UNKL: variants seen among roughly 807,000 people sequenced by gnomAD.
The protein encoded by UNKL is putative E3 ubiquitin-protein ligase UNKL.
Under a neutral mutation model 78.0 loss-of-function variants are expected in UNKL, and 60 were observed. The observed-to-expected ratio is 0.77, with a 90% CI of 0.63 to 0.95. The LOEUF (loss-of-function observed/expected upper bound fraction) is 0.95, where lower values mean the gene tolerates loss of function less well. Ranked by LOEUF, UNKL falls within the 40% of genes least tolerant of loss-of-function variation. UNKL has a pLI of 0.00. For synonymous variants in UNKL, 608 were observed against 474.8 expected, an observed-to-expected ratio of 1.28 and a Z score of -3.65; for missense variants, 1,159 against 1,045.7, an observed-to-expected ratio of 1.11 and a Z score of -1.49.
chr16:1,395,342 A>G (rs1455877722), intron 6 of UNKL, among the ~76,000 whole-genome samples: 2 of 148,478 alleles, frequency 1.3e-5, no homozygotes, highest in Non-Finnish European at 3.0e-5. Flanking sequence ...TAATTTTTGT[A>G]TTTTTAGTAG....
rs368553180 is a variant in UNKL at position 1,399,345 on chromosome 16, G to A, written c.734+29C>T. On this transcript the variant is annotated intron_variant, in intron 5 of 14. Coordinates refer to ENST00000389221, the MANE Select transcript of UNKL (RefSeq NM_001372107.1). The surrounding 1 kb of genome is among the most constrained non-coding windows in gnomAD (Gnocchi z 5.8). ...CCGGGAAGGACGCCCACCAGCCGGA[G>A]TCCTCTGAGCACGGTCCCGCAGGCT... The A allele has an allele frequency of 2.0e-4, 310 of 1,539,260 alleles. No individual in the cohort carries two copies. The highest frequency in any genetic ancestry group is 1.6e-3 in the African/African-American group (119 of 72,418).
rs535295759 is a variant in UNKL, at chr16:1,413,003, T to C, written c.287+843A>G. Among the ~76,000 whole-genome samples, 4 of 152,164 alleles carry C rather than the reference T, an allele frequency of 2.6e-5. No homozygotes were observed. In the South Asian group the frequency reaches 8.3e-4, roughly 32 times the overall value. ...TGGCTCACACCTGGAATCCCAGCAC[T>C]TTGGGAGGCTGAAGCAGGAGGATTG... On this transcript the variant is annotated intron_variant, in intron 2 of 14. Coordinates refer to ENST00000389221, the MANE Select transcript of UNKL (RefSeq NM_001372107.1).
rs575433625 is a variant in UNKL, at chr16:1,399,343, G to C, written c.734+31C>G. ...GGCCGGGAAGGACGCCCACCAGCCGGAGTCCTCTGAGCACGGTCCCGCAGG... is the reference window on the plus strand; with the variant it reads ...GGCCGGGAAGGACGCCCACCAGCCGCAGTCCTCTGAGCACGGTCCCGCAGG... On this transcript the variant is annotated intron_variant, in intron 5 of 14. Coordinates refer to ENST00000389221, the MANE Select transcript of UNKL (RefSeq NM_001372107.1). The surrounding 1 kb of genome is among the most constrained non-coding windows in gnomAD (Gnocchi z 5.8). 12 of 1,536,900 alleles carry C rather than the reference G, an allele frequency of 7.8e-6. No individual in the cohort carries two copies. The African/African-American group carries it at 1.4e-4, about 18-fold the overall frequency.
chr16:1,401,537 C>G (rs549456955), intron 4 of UNKL, 31 bp downstream of exon 4: 2 of 1,505,766 alleles, frequency 1.3e-6, no homozygotes, highest in African/African-American at 1.4e-5. Context: ...GCCCCCCCCA[C>G]CACCGCCCTC....
intron 9 of UNKL, among the ~76,000 whole-genome samples, chr16:1,388,955 A>G (rs1282851941): frequency 6.6e-6 from 1 of 152,218 alleles, no homozygotes; most frequent in African/African-American, 2.4e-5. Flanking sequence ...AGTACGTGGC[A>G]TGAATTCCAT....
rs949111791 is a variant in UNKL, at chr16:1,366,142, T to C, written c.*98A>G. 7.4e-7 allele frequency: 1 copy of C among 1,354,124 alleles called. No homozygotes were observed. Among genetic ancestry groups the C allele is most frequent in the Non-Finnish European group, 9.6e-7 (1 of 1,038,752 alleles). 83.9% of individuals were successfully genotyped at this position (1,354,124 alleles called of 1,614,324 possible). A position where few individuals can be genotyped will look rare whatever the true frequency, so the allele number is the denominator to read the frequency against. On this transcript the variant is annotated 3_prime_UTR_variant, in exon 15 of 15. Transcript: ENST00000389221. ...CAGGAAGGGCTCCCAGCCTCGGTCC[T>C]CACGTCGGTGGCACCAGAAGCGAGT...
Position 1,367,255 on chromosome 16 carries a change from T to A in UNKL, c.1883A>T (p.Glu628Val), listed in dbSNP as rs772707372. 18 of 1,586,078 alleles carry A rather than the reference T, an allele frequency of 1.1e-5. No individual in the cohort carries two copies. Among genetic ancestry groups the A allele is most frequent in the Non-Finnish European group, 1.5e-5 (17 of 1,170,338 alleles). Residue 628 changes from glutamate (E) to valine (V), a missense_variant, in exon 14 of 15, where the codon GAG becomes GTG. Coordinates refer to ENST00000389221, the MANE Select transcript of UNKL (RefSeq NM_001372107.1). ...DRQLALQKKE[E>V]VEAQVKQLQE... is the part of the protein sequence containing the mutation. ...CAGCTGCTTCACCTGTGCCTCCACC[T>A]CCTCCTTCTTCTGCAGCGCCAGCTG...
chr16:1,405,238 AAGGG>A (rs1254654008), intron 2 of UNKL, among the ~76,000 whole-genome samples: 1 of 140,650 alleles, frequency 7.1e-6, no homozygotes, highest in Non-Finnish European at 1.5e-5. Flanking sequence ...GCGAGGAAGG[AAGGG>A]AGGGAGGGAG....
At chr16:1,397,106 C>T in intron 6 of UNKL, 72 bp downstream of exon 6, 1 of 1,473,120 alleles carries the variant, frequency 6.8e-7, no homozygotes, top group Non-Finnish European at 9.2e-7. Flanking sequence ...GTGTGATAAC[C>T]ACGCTGTGAA....
In UNKL at chr16:1,384,892, A is replaced by AGG. The variant is rs879827745; in HGVS notation, c.1264+315_1264+316insCC. On this transcript the variant is annotated intron_variant, in intron 10 of 14. Coordinates refer to ENST00000389221, the MANE Select transcript of UNKL (RefSeq NM_001372107.1). The stretch of plus-strand genomic sequence containing the variant: ...GGGAGCACAGGCGGCCAACTCCCAC[A>AGG]ACTCCCATCATCTGTCAACAACCTC... Among the ~76,000 whole-genome samples, 474 of 152,108 alleles carry AGG rather than the reference A, an allele frequency of 3.1e-3. 8 individuals are homozygous for AGG. The highest frequency in any genetic ancestry group is 0.029 in the East Asian group (151 of 5,160).
intron 3 of UNKL, among the ~76,000 whole-genome samples, chr16:1,402,156 T>C (rs985954694): frequency 3.9e-5 from 6 of 152,150 alleles, no homozygotes; most frequent in Admixed American, 3.3e-4. Flanking sequence ...AAAGCAGCAG[T>C]GCCTCACGGC....
At chr16:1,393,273 C>A (rs1334417091) in intron 7 of UNKL, among the ~76,000 whole-genome samples, 1 of 152,238 alleles carries the variant, frequency 6.6e-6, no homozygotes, top group East Asian at 1.9e-4. Flanking sequence ...TGTGACCACA[C>A]ACACAAAACC....
At chr16:1,368,479 G>A (rs1417594655) in intron 12 of UNKL, among the ~76,000 whole-genome samples, 4 of 151,892 alleles carry the variant, frequency 2.6e-5, no homozygotes, top group South Asian at 2.1e-4. Flanking sequence ...GCGGGCGCCT[G>A]TAGTCCCAGC....
intron 2 of UNKL, chr16:1,405,932 C>A: frequency 2.2e-6 from 1 of 456,624 alleles, no homozygotes; most frequent in Non-Finnish European, 4.4e-6. Context: ...TCCACCAGAC[C>A]CCCTTAACAC....
In UNKL at chr16:1,399,433, C is replaced by T. The variant is rs375654703; in HGVS notation, c.675G>A (p.Ala225=). The change falls in exon 5 of 15, where the codon GCG becomes GCA. Residue 225 remains alanine (A), a synonymous_variant. Coordinates refer to ENST00000389221, the MANE Select transcript of UNKL (RefSeq NM_001372107.1). This position sits in a 1 kb window ranked among gnomAD's most constrained non-coding sequence, Gnocchi z 5.8. ...CCCGGCTATTGTGGTAGTGTGGGCA[C>T]GCATAGCCCTGGCGGCACAGGCGTG... ...KPPRLCRQGY[A]CPHYHNSRDR... 20 of 1,606,300 alleles carry T rather than the reference C, an allele frequency of 1.2e-5. 1 individual carries two copies. The highest frequency in any genetic ancestry group is 8.9e-5 in the South Asian group (8 of 89,776).
chr16:1,414,018 A>G lies in UNKL; in HGVS notation c.115T>C (p.Phe39Leu). The G allele has an allele frequency of 6.4e-7, 1 of 1,551,128 alleles. No homozygotes were observed. The highest frequency in any genetic ancestry group is 8.7e-7 in the Non-Finnish European group (1 of 1,147,150). Residue 39 changes from phenylalanine (F) to leucine (L), a missense_variant, in exon 2 of 15, where the codon TTT becomes CTT. Coordinates refer to ENST00000389221, the MANE Select transcript of UNKL (RefSeq NM_001372107.1). Reference protein sequence around the residue: ...KEFRTEQCPLFSQHKCAQHRP... With the variant: ...KEFRTEQCPLLSQHKCAQHRP... ...TGCTGCGCGCACTTGTGCTGTGAAAACAGGGGGCACTGCTCCGTCCTGAAC... is the reference window on the plus strand; with the variant it reads ...TGCTGCGCGCACTTGTGCTGTGAAAGCAGGGGGCACTGCTCCGTCCTGAAC...
intron 11 of UNKL, 24 bp from the exon 12 acceptor site, chr16:1,370,381 G>C: frequency 6.5e-7 from 1 of 1,530,506 alleles, no homozygotes; most frequent in Non-Finnish European, 8.7e-7. Flanking sequence ...ACCAGTCAGC[G>C]AAGGGAGTAC....
intron 6 of UNKL, among the ~76,000 whole-genome samples, chr16:1,394,824 C>G (rs1039769012): frequency 6.6e-6 from 1 of 152,208 alleles, no homozygotes; most frequent in South Asian, 2.1e-4. Context: ...CTGGCCCCAC[C>G]CCCCCATGGC....
At chr16:1,370,738 A>G (rs1280195786) in intron 11 of UNKL, among the ~76,000 whole-genome samples, 1 of 152,234 alleles carries the variant, frequency 6.6e-6, no homozygotes, top group Non-Finnish European at 1.5e-5. Context: ...TAAAAGAAAG[A>G]AAAGATACAC....
Sources: gnomAD v4.1 joint callset for allele counts (sites outside exome capture counted in the v4.1 genomes callset) on GRCh38, gnomAD v4.1.1 for gene constraint, Gnocchi (gnomAD v3.1) non-coding constraint, MANE v1.5 for transcripts, NCBI Gene and HGNC (gene_info 2026-07-23, HGNC 2026-07-21) for gene names.